AFG2A: variants seen among roughly 807,000 people sequenced by gnomAD.
The protein encoded by AFG2A is ATPase family gene 2 protein homolog A.
the AFG2A span, among the ~76,000 whole-genome samples, chr4:123,216,800 G>A: frequency 6.6e-6 from 1 of 151,770 alleles, no homozygotes; most frequent in Non-Finnish European, 1.5e-5. Flanking sequence ...GACTGCAGGT[G>A]CACACCACTT....
At chr4:122,967,230 C>T in the AFG2A span, among the ~76,000 whole-genome samples, 1 of 152,084 alleles carries the variant, frequency 6.6e-6, no homozygotes, top group Non-Finnish European at 1.5e-5. Context: ...TAGCAAGGCT[C>T]TGTCTCTAAG....
chr4:123,016,570 C>T, the AFG2A span, among the ~76,000 whole-genome samples: 8 of 150,134 alleles, frequency 5.3e-5, no homozygotes, highest in South Asian at 2.1e-4. Context: ...GGATGGCGGC[C>T]GGGTAGAGGT....
the AFG2A span, among the ~76,000 whole-genome samples, chr4:123,041,085 C>G: frequency 1.3e-5 from 2 of 150,996 alleles, no homozygotes; most frequent in Non-Finnish European, 3.0e-5. Flanking sequence ...TTAATTATTA[C>G]TCTTCTTTTT....
the AFG2A span, among the ~76,000 whole-genome samples, chr4:123,105,226 A>G: frequency 0.01 from 1,587 of 152,292 alleles, 13 homozygotes; most frequent in Non-Finnish European, 0.016. Context: ...TGCTCGATCA[A>G]TGGAAAAACA....
chr4:123,103,830 T>C, the AFG2A span, among the ~76,000 whole-genome samples: 1 of 152,162 alleles, frequency 6.6e-6, no homozygotes, highest in Non-Finnish European at 1.5e-5. Context: ...GAACAAATTA[T>C]TGATATATGC....
At chr4:123,028,477 G>T in the AFG2A span, 1 of 1,115,284 alleles carries the variant, frequency 9.0e-7, no homozygotes, top group Non-Finnish European at 1.3e-6. Context: ...TTAGGAGAAC[G>T]AATAAAGGCA....
At chr4:123,221,742 T>C in the AFG2A span, among the ~76,000 whole-genome samples, 1 of 151,966 alleles carries the variant, frequency 6.6e-6, no homozygotes, top group South Asian at 2.1e-4. Context: ...CTGGCCAACA[T>C]GGTGAAACCC....
chr4:123,178,846 T>G, the AFG2A span, among the ~76,000 whole-genome samples: 5 of 152,188 alleles, frequency 3.3e-5, no homozygotes, highest in Admixed American at 2.0e-4. Flanking sequence ...CTGCTGCAAG[T>G]GTACAAATGG....
At chr4:122,998,358 T>C in the AFG2A span, among the ~76,000 whole-genome samples, 3 of 152,106 alleles carry the variant, frequency 2.0e-5, no homozygotes, top group Non-Finnish European at 4.4e-5. Context: ...ATGTGCACAA[T>C]GTGCAGGTTA....
At chr4:123,219,511 G>A in the AFG2A span, among the ~76,000 whole-genome samples, 3 of 152,218 alleles carry the variant, frequency 2.0e-5, no homozygotes, top group Admixed American at 6.5e-5. Flanking sequence ...CGTCACAACC[G>A]CCATTCCCCA....
At chr4:123,018,913 A>G in the AFG2A span, among the ~76,000 whole-genome samples, 29 of 151,974 alleles carry the variant, frequency 1.9e-4, no homozygotes, top group Non-Finnish European at 3.8e-4. Context: ...AGAAAGAGTT[A>G]TCATTTTTTT....
the AFG2A span, among the ~76,000 whole-genome samples, chr4:123,159,460 A>G: frequency 6.6e-6 from 1 of 152,198 alleles, no homozygotes; most frequent in African/African-American, 2.4e-5. Context: ...GTAGACTACT[A>G]AGAAAGAAAA....
chr4:123,103,111 AC>A, the AFG2A span, among the ~76,000 whole-genome samples: 5 of 152,032 alleles, frequency 3.3e-5, no homozygotes, highest in Non-Finnish European at 7.4e-5. Context: ...TTTCCTGAGT[AC>A]AGGCTCTACT....
At chr4:123,207,237 C>T in the AFG2A span, among the ~76,000 whole-genome samples, 1 of 150,660 alleles carries the variant, frequency 6.6e-6, no homozygotes. Context: ...TTCTGGCCAT[C>T]CTTTTTCATA....
chr4:123,089,298 A>C, the AFG2A span, among the ~76,000 whole-genome samples: 1 of 152,190 alleles, frequency 6.6e-6, no homozygotes, highest in Non-Finnish European at 1.5e-5. Context: ...TGATGATTAT[A>C]CTGAGGTGTG....
the AFG2A span, among the ~76,000 whole-genome samples, chr4:123,195,050 G>T: frequency 6.6e-6 from 1 of 152,068 alleles, no homozygotes; most frequent in East Asian, 1.9e-4. Context: ...ACATCAAATG[G>T]TGCCTTGAGG....
the AFG2A span, among the ~76,000 whole-genome samples, chr4:123,020,594 C>T: frequency 2.0e-5 from 3 of 151,934 alleles, no homozygotes; most frequent in Admixed American, 6.6e-5. Flanking sequence ...GTCTTGAACT[C>T]CTGACCTGTG....
At chr4:123,015,572 C>T in the AFG2A span, among the ~76,000 whole-genome samples, 1 of 151,232 alleles carries the variant, frequency 6.6e-6, no homozygotes, top group South Asian at 2.1e-4. Context: ...GAAAAGTCTC[C>T]CGTGTCTACC....
chr4:123,261,349 A>G, the AFG2A span, among the ~76,000 whole-genome samples: 99 of 152,320 alleles, frequency 6.5e-4, 1 homozygote, highest in South Asian at 1.5e-3. Context: ...CTGTATCTGC[A>G]AGTTCCATCT....
Sources: allele counts gnomAD v4.1 joint callset (sites outside exome capture counted in the v4.1 genomes callset), GRCh38; gene constraint gnomAD v4.1.1; transcripts MANE v1.5; gene names NCBI Gene and HGNC (gene_info 2026-07-23, HGNC 2026-07-21).